CTNNA3: variants seen among roughly 807,000 people sequenced by gnomAD.
CTNNA3 encodes catenin alpha-3.
CTNNA3 carries 76 observed loss-of-function variants against 95.7 expected under a neutral mutation model. The observed-to-expected ratio is 0.79, with a 90% confidence interval of 0.66 to 0.96. The LOEUF is 0.96. Ranked by LOEUF, CTNNA3 falls within the 40% of genes least tolerant of loss-of-function variation. The pLI, the probability that CTNNA3 is intolerant of heterozygous loss-of-function variation, is 0.00. For synonymous variants in CTNNA3, 431 were observed against 374.4 expected (o/e 1.15, Z -1.74); for missense variants, 1,191 against 1,089.8 (o/e 1.09, Z -1.31).
chr10:67,202,695 G>A (rs957096742), intron 6 of CTNNA3, among the ~76,000 whole-genome samples: 15 of 151,790 alleles, frequency 9.9e-5, no homozygotes, highest in South Asian at 2.1e-4. Flanking sequence ...CATTTTGAAC[G>A]AAGTGCTTTA....
Position 66,927,981 on chromosome 10 carries a change from G to A in CTNNA3, c.1048-152457C>T, listed in dbSNP as rs767918636. 4 of 1,614,202 alleles carry A rather than the reference G, an allele frequency of 2.5e-6. No homozygotes were observed. In the East Asian group the frequency reaches 6.7e-5, roughly 27 times the overall value. Reference sequence around the variant, plus strand: ...AAGGAGTAAATGTGATCGATGCAGTGAAGAACTACAGCATCTGTGGCAAAA... The same window carrying A: ...AAGGAGTAAATGTGATCGATGCAGTAAAGAACTACAGCATCTGTGGCAAAA... On this transcript the variant is annotated intron_variant, in intron 7 of 17. Coordinates refer to ENST00000433211, the MANE Select transcript of CTNNA3 (RefSeq NM_013266.4). The surrounding 1 kb of genome is among the most constrained non-coding windows in gnomAD (Gnocchi z 4.7).
chr10:67,298,923 G>A (rs1037947731), intron 5 of CTNNA3, among the ~76,000 whole-genome samples: 8 of 149,848 alleles, frequency 5.3e-5, no homozygotes, highest in Admixed American at 4.0e-4. Context: ...CTCTTCATAT[G>A]TTGCATTTTT....
intron 1 of CTNNA3, among the ~76,000 whole-genome samples, chr10:67,694,586 T>A (rs1840928492): frequency 6.6e-6 from 1 of 152,142 alleles, no homozygotes; most frequent in Non-Finnish European, 1.5e-5. Flanking sequence ...TGTTCAGCAA[T>A]GATTAATAAA....
chr10:66,040,731 G>A lies in CTNNA3; in HGVS notation c.2159+28577C>T, dbSNP rs796753889. Among the ~76,000 whole-genome samples, 52 of 152,204 alleles carry A rather than the reference G, an allele frequency of 3.4e-4. 1 individual carries two copies. The highest frequency in any genetic ancestry group is 2.2e-3 in the Admixed American group (33 of 15,282). ...CAGACACTGGCGCCTACTGGAGGGT[G>A]GAGGTTGGGAGGAGGGTGAGGACCA... On this transcript the variant is annotated intron_variant, in intron 15 of 17. Transcript: ENST00000433211.
intron 10 of CTNNA3, among the ~76,000 whole-genome samples, chr10:66,543,338 C>T (rs1253783740): frequency 6.6e-6 from 1 of 152,102 alleles, no homozygotes; most frequent in Non-Finnish European, 1.5e-5. Flanking sequence ...GATCCACCCA[C>T]CTCAGCCTCC....
At chr10:66,223,128 A>G (rs542790824) in intron 13 of CTNNA3, among the ~76,000 whole-genome samples, 3 of 152,226 alleles carry the variant, frequency 2.0e-5, no homozygotes, top group Non-Finnish European at 4.4e-5. Flanking sequence ...ACCTTTAAGA[A>G]CATCCCTGAA....
intron 3 of CTNNA3, among the ~76,000 whole-genome samples, chr10:67,598,045 G>A (rs1259962665): frequency 6.6e-6 from 1 of 152,168 alleles, no homozygotes; most frequent in African/African-American, 2.4e-5. Flanking sequence ...TGGGCAGACA[G>A]AGGAGCACTC....
At chr10:66,306,663 T>C (rs2091938713) in intron 12 of CTNNA3, among the ~76,000 whole-genome samples, 1 of 152,176 alleles carries the variant, frequency 6.6e-6, no homozygotes, top group Admixed American at 6.6e-5. Flanking sequence ...TAAAATCATC[T>C]CACCATAACG....
chr10:65,943,050 A>T (rs1202302006), intron 17 of CTNNA3, among the ~76,000 whole-genome samples: 1 of 151,334 alleles, frequency 6.6e-6, no homozygotes, highest in African/African-American at 2.4e-5. Context: ...GATAATAGTT[A>T]TGTCTTTTTT....
At chr10:65,981,982 CA>C (rs1232178747) in intron 16 of CTNNA3, among the ~76,000 whole-genome samples, 1 of 151,658 alleles carries the variant, frequency 6.6e-6, no homozygotes, top group Non-Finnish European at 1.5e-5. Context: ...GCAACAAAAA[CA>C]AGGATAAATA....
chr10:67,555,470 A>C (rs1337087748), intron 3 of CTNNA3, among the ~76,000 whole-genome samples: 1 of 152,148 alleles, frequency 6.6e-6, no homozygotes, highest in Non-Finnish European at 1.5e-5. Context: ...GATCCTTCAC[A>C]TATCTTGTAA....
intron 3 of CTNNA3, among the ~76,000 whole-genome samples, chr10:67,558,942 C>G (rs1348742996): frequency 6.6e-6 from 1 of 152,274 alleles, no homozygotes; most frequent in African/African-American, 2.4e-5. Flanking sequence ...GGGAGGGGTG[C>G]CCGCCATTGC....
intron 2 of CTNNA3, among the ~76,000 whole-genome samples, chr10:67,619,748 T>G (rs1237883929): frequency 6.6e-6 from 1 of 152,100 alleles, no homozygotes; most frequent in Non-Finnish European, 1.5e-5. Context: ...ACTAACACAG[T>G]TAGTTGGGAA....
At chr10:66,148,713 G>GAAATAAAT (rs3053702) in intron 13 of CTNNA3, among the ~76,000 whole-genome samples, 27 of 150,644 alleles carry the variant, frequency 1.8e-4, no homozygotes, top group Non-Finnish European at 3.8e-4. Context: ...AGGACTATGA[G>GAAATAAAT]AAATAAATAA....
intron 7 of CTNNA3, among the ~76,000 whole-genome samples, chr10:67,100,358 C>T (rs1450658750): frequency 6.6e-6 from 1 of 151,380 alleles, no homozygotes; most frequent in Non-Finnish European, 1.5e-5. Context: ...GGGTCTTTAG[C>T]AAGAAAAAAA....
In CTNNA3 at chr10:67,140,730, T is replaced by C. The variant is rs377687727; in HGVS notation, c.1047+39587A>G. Among the ~76,000 whole-genome samples, 6 of 152,316 alleles carry C rather than the reference T, an allele frequency of 3.9e-5. No individual in the cohort carries two copies. The East Asian group carries it at 9.6e-4, about 24-fold the overall frequency. The stretch of plus-strand genomic sequence containing the variant: ...TCCTTTTTGGTACTATAAATACTAA[T>C]ATTCTAAGGACAGGTCAAGTCCTAT... On this transcript the variant is annotated intron_variant, in intron 7 of 17. Transcript: ENST00000433211.
At chr10:66,021,038 T>C (rs1244177160) in intron 15 of CTNNA3, among the ~76,000 whole-genome samples, 1 of 152,148 alleles carries the variant, frequency 6.6e-6, no homozygotes, top group African/African-American at 2.4e-5. Flanking sequence ...TTTCTTGATC[T>C]TTTGCTTAAC....
intron 1 of CTNNA3, among the ~76,000 whole-genome samples, chr10:67,741,346 C>CAAAAAAAAAAAAAAAAAAGAAA (rs542236311): frequency 7.8e-6 from 1 of 128,546 alleles, no homozygotes; most frequent in Non-Finnish European, 1.7e-5. Flanking sequence ...AAAAAAAGAA[C>CAAAAAAAAAAAAAAAAAAGAAA]AAAAAAAAAA....
chr10:67,003,555 T>G (rs1851799974), intron 7 of CTNNA3, among the ~76,000 whole-genome samples: 1 of 152,204 alleles, frequency 6.6e-6, no homozygotes, highest in African/African-American at 2.4e-5. Context: ...AAGGCTCTTA[T>G]AAGTCCTGAA....
Sources: gnomAD v4.1 joint callset for allele counts (sites outside exome capture counted in the v4.1 genomes callset) on GRCh38, gnomAD v4.1.1 for gene constraint, Gnocchi (gnomAD v3.1) non-coding constraint, MANE v1.5 for transcripts, NCBI Gene and HGNC (gene_info 2026-07-23, HGNC 2026-07-21) for gene names.